The following SLC22A11 variants were observed in gnomAD, a reference collection of about 807,000 sequenced individuals.
SLC22A11 encodes the protein solute carrier family 22 member 11.
Under a neutral mutation model 49.4 loss-of-function variants are expected in SLC22A11, and 42 were observed. The ratio of observed to expected loss-of-function variants is 0.85; its 90% confidence interval spans 0.66 to 1.10. The LOEUF is 1.10. SLC22A11 is among the 50% of genes least tolerant of loss of function. The pLI is 0.00. For synonymous variants in SLC22A11, 304 were observed against 315.8 expected (o/e 0.96, Z 0.40); for missense variants, 685 against 731.6 (o/e 0.94, Z 0.74).
intron 2 of SLC22A11, among the ~76,000 whole-genome samples, chr11:64,559,643 G>A (rs190738241): frequency 1.3e-5 from 2 of 151,940 alleles, no homozygotes; most frequent in Admixed American, 6.6e-5. Flanking sequence ...GAAGCCTCAC[G>A]TGGGCCAAAC....
Position 64,571,030 on chromosome 11 carries a change from T to A in SLC22A11, c.1641T>A (p.Ser547Arg). The A allele has an allele frequency of 6.2e-7, 1 of 1,614,242 alleles. No individual in the cohort carries two copies. Among genetic ancestry groups the A allele is most frequent in the Non-Finnish European group, 8.5e-7 (1 of 1,180,036 alleles). ...GGCAAGAGGCCGTCACTGTGGAAAGTACCTCGCTCTAGAAATTGTGCCTGC... is the reference window on the plus strand; with the variant it reads ...GGCAAGAGGCCGTCACTGTGGAAAGAACCTCGCTCTAGAAATTGTGCCTGC... ...GNRQEAVTVE[S>R]TSL The change falls in exon 10 of 10, where the codon AGT becomes AGA. Residue 547 changes from serine (S) to arginine (R), a missense_variant. Coordinates refer to ENST00000301891, the MANE Select transcript of SLC22A11 (RefSeq NM_018484.4).
intron 9 of SLC22A11, 150 bp downstream of exon 9, chr11:64,570,008 GTAT>G: frequency 1.4e-6 from 1 of 695,138 alleles, no homozygotes; most frequent in East Asian, 2.7e-5. Context: ...TGCCAGAAAT[GTAT>G]TATTACTATC....
In SLC22A11 at chr11:64,569,940, A is replaced by G. The variant is rs2038682675; in HGVS notation, c.1589+82A>G. The G allele has an allele frequency of 4.3e-5, 58 of 1,334,002 alleles. 1 individual carries two copies. The East Asian group carries it at 1.3e-3, about 31-fold the overall frequency. 82.6% of individuals were successfully genotyped at this position (1,334,002 alleles called of 1,614,324 possible). ...AGACAGGCCTGGGCTGCCCAGGGCA[A>G]AGGCTCAAGAGTACCAAGGCCTGTG... On this transcript the variant is annotated intron_variant, in intron 9 of 9. Transcript: ENST00000301891.
rs765685985 is a variant in SLC22A11, at chr11:64,569,651, G to A, written c.1383-1G>A. ...ATCTGGGCCCTCCCCTTCACCCACA[G>A]GATGACAGCAGATGGCATTCTGCAT... On this transcript the variant is annotated splice_acceptor_variant, in intron 8 of 9. Transcript: ENST00000301891. LOFTEE classifies it high-confidence loss of function. 1.2e-6 allele frequency: 2 copies of A among 1,613,148 alleles called. No homozygotes were observed. The highest frequency in any genetic ancestry group is 4.5e-5 in the East Asian group (2 of 44,876).
chr11:64,568,769 C>CGCCAGT lies in SLC22A11; in HGVS notation c.1376_1381dup (p.Pro459_Val460dup). ...ATCTACAAGGCTGAACTCTTTCCAA[C>CGCCAGT]GCCAGTGCGGTAAGCTGGGCTGCAG... is the stretch of plus-strand genomic sequence containing the variant. On this transcript the variant is annotated inframe_insertion, in exon 8 of 10. Coordinates refer to ENST00000301891, the MANE Select transcript of SLC22A11 (RefSeq NM_018484.4). 2 of 1,613,688 alleles carry CGCCAGT rather than the reference C, an allele frequency of 1.2e-6. No individual in the cohort carries two copies. Among genetic ancestry groups the CGCCAGT allele is most frequent in the South Asian group, 1.1e-5 (1 of 91,072 alleles).
intron 1 of SLC22A11, among the ~76,000 whole-genome samples, chr11:64,558,223 C>T (rs898803215): frequency 6.6e-6 from 1 of 152,236 alleles, no homozygotes; most frequent in Non-Finnish European, 1.5e-5. Flanking sequence ...GCATGAGCCA[C>T]TGTGCCCGGG....
chr11:64,564,303 TA>T lies in SLC22A11; in HGVS notation c.822-4del. ...ACTCCCAGCTACACACCTGCCTCCT[TA>T]CAGGTGGCTGCCAGAATCCGCCCGG... is the stretch of plus-strand genomic sequence containing the variant. On this transcript the variant is annotated splice_polypyrimidine_tract_variant and splice_region_variant and intron_variant, in intron 4 of 9. Coordinates refer to ENST00000301891, the MANE Select transcript of SLC22A11 (RefSeq NM_018484.4). The surrounding 1 kb of genome is among the most constrained non-coding windows in gnomAD (Gnocchi z 4.2). The T allele has an allele frequency of 6.2e-7, 1 of 1,613,920 alleles. No individual in the cohort carries two copies. The highest frequency in any genetic ancestry group is 8.5e-7 in the Non-Finnish European group (1 of 1,179,954).
intron 2 of SLC22A11, among the ~76,000 whole-genome samples, chr11:64,561,510 G>A (rs1209420582): frequency 6.6e-6 from 1 of 152,172 alleles, no homozygotes; most frequent in Non-Finnish European, 1.5e-5. Context: ...GTGCAGAGGC[G>A]TGATCATACC....
In SLC22A11 at chr11:64,569,757, C is replaced by T; in HGVS notation, c.1488C>T (p.Leu496=). 1 of 1,614,204 alleles carries T rather than the reference C, an allele frequency of 6.2e-7. No individual in the cohort carries two copies. Among genetic ancestry groups the T allele is most frequent in the Non-Finnish European group, 8.5e-7 (1 of 1,180,042 alleles). Residue 496 remains leucine (L), a synonymous_variant, in exon 9 of 10, where the codon CTC becomes CTT. Coordinates refer to ENST00000301891, the MANE Select transcript of SLC22A11 (RefSeq NM_018484.4). ...RQALPLLPPL[L]YGVISIASSL... ...CCCTGCCCCTGCTGCCTCCTCTCCT[C>T]TATGGCGTTATCTCCATTGCTTCCA...
Position 64,572,207 on chromosome 11 carries a change from C to A in SLC22A11, c.*1165C>A, listed in dbSNP as rs1268820039. 1 of 152,286 alleles carries A rather than the reference C, an allele frequency of 6.6e-6. No individual in the cohort carries two copies. Among genetic ancestry groups the A allele is most frequent in the Non-Finnish European group, 1.5e-5 (1 of 68,068 alleles). 9.4% of individuals were successfully genotyped at this position (152,286 alleles called of 1,614,324 possible). A position where few individuals can be genotyped will look rare whatever the true frequency, so the allele number is the denominator to read the frequency against. On this transcript the variant is annotated 3_prime_UTR_variant, in exon 10 of 10. Coordinates refer to ENST00000301891, the MANE Select transcript of SLC22A11 (RefSeq NM_018484.4). Reference sequence around the variant, plus strand: ...TTGTTTTCTGGAGGGGACACCTTTTCTTGATTCATGCCCAGACCTCCCTTG... The same window carrying A: ...TTGTTTTCTGGAGGGGACACCTTTTATTGATTCATGCCCAGACCTCCCTTG...
intron 2 of SLC22A11, among the ~76,000 whole-genome samples, chr11:64,559,793 C>T (rs1405787498): frequency 2.0e-5 from 3 of 152,164 alleles, no homozygotes; most frequent in Non-Finnish European, 4.4e-5. Flanking sequence ...CACCTTGGAA[C>T]GTGAGGCCGG....
In SLC22A11 at chr11:64,555,947, G is replaced by C. The variant is rs1273100848; in HGVS notation, c.-53G>C. 13 of 1,525,576 alleles carry C rather than the reference G, an allele frequency of 8.5e-6. No homozygotes were observed. Among genetic ancestry groups the C allele is most frequent in the African/African-American group, 5.5e-5 (4 of 72,646 alleles). 94.5% of individuals were successfully genotyped at this position (1,525,576 alleles called of 1,614,324 possible). On this transcript the variant is annotated 5_prime_UTR_variant, in exon 1 of 10. Transcript: ENST00000301891. ...GGCCCTGGATCTTGTGGCTGCAATC[G>C]GTTCCAAACAGCAGTTAGGTCAGCA...
intron 1 of SLC22A11, among the ~76,000 whole-genome samples, chr11:64,558,513 T>C (rs1408214427): frequency 6.6e-6 from 1 of 152,292 alleles, no homozygotes; most frequent in Non-Finnish European, 1.5e-5. Flanking sequence ...CTGAAGCCAC[T>C]GTAAAAATCC....
chr11:64,569,628 C>T, intron 8 of SLC22A11, 24 bp from the exon 9 acceptor site: 1 of 1,606,048 alleles, frequency 6.2e-7, no homozygotes, highest in Non-Finnish European at 8.5e-7. Flanking sequence ...TTACAGGGAT[C>T]TGGGCCCTCC....
In SLC22A11 at chr11:64,562,113, G is replaced by A; in HGVS notation, c.607G>A (p.Ala203Thr). Reference sequence around the variant, plus strand: ...CATCTACTGCGGCCTGCGGTTCGTGGCCGCTTTTGGGATGGCCGGCATCTT... The same window carrying A: ...CATCTACTGCGGCCTGCGGTTCGTGACCGCTTTTGGGATGGCCGGCATCTT... ...FVIYCGLRFV[A>T]AFGMAGIFLS... is the part of the protein sequence containing the mutation. Residue 203 changes from alanine to threonine, a missense_variant, in exon 3 of 10, where the codon GCC (alanine) becomes ACC (threonine). Physicochemically the swap from Ala to Thr is moderately conservative, Grantham distance 58. Transcript: ENST00000301891. The surrounding 1 kb of genome is among the most constrained non-coding windows in gnomAD (Gnocchi z 4.4). 1.2e-6 allele frequency: 2 copies of A among 1,613,882 alleles called. No individual in the cohort carries two copies. Among genetic ancestry groups the A allele is most frequent in the Non-Finnish European group, 1.7e-6 (2 of 1,180,020 alleles).
intron 6 of SLC22A11, chr11:64,566,405 C>A (rs1448572889): frequency 6.6e-6 from 1 of 151,360 alleles, no homozygotes; most frequent in Admixed American, 6.6e-5. Context: ...GATCAAATGC[C>A]TTTTTTAAAA....
At position 64,565,150 on chromosome 11, in the gene SLC22A11, C is replaced by A; in HGVS notation, c.943-72C>A. 2 of 1,236,836 alleles carry A rather than the reference C, an allele frequency of 1.6e-6. No individual in the cohort carries two copies. The highest frequency in any genetic ancestry group is 2.2e-6 in the Non-Finnish European group (2 of 889,464). 76.6% of individuals were successfully genotyped at this position (1,236,836 alleles called of 1,614,324 possible). A position where few individuals can be genotyped will look rare whatever the true frequency, so the allele number is the denominator to read the frequency against. ...CCCCGTCACTCTGGCCACTTGGACA[C>A]TGTTCTCTGGCACAGGGGGTGGGGC... On this transcript the variant is annotated intron_variant, in intron 5 of 9. Transcript: ENST00000301891. This position sits in a 1 kb window ranked among gnomAD's most constrained non-coding sequence, Gnocchi z 4.1.
At chr11:64,568,601 G>A in intron 7 of SLC22A11, 69 bp from the exon 8 acceptor site, 1 of 1,332,754 alleles carries the variant, frequency 7.5e-7, no homozygotes, top group Non-Finnish European at 1.1e-6. Flanking sequence ...AGGCTGGCTG[G>A]CCGCACACTG....
chr11:64,559,076 G>T (rs560580680), intron 1 of SLC22A11, 59 bp from the exon 2 acceptor site: 1 of 1,473,136 alleles, frequency 6.8e-7, no homozygotes, highest in Non-Finnish European at 9.5e-7. Flanking sequence ...TTCCTCGGCC[G>T]TGCCCAGCCC....
Sources: gnomAD v4.1 joint callset for allele counts (sites outside exome capture counted in the v4.1 genomes callset) on GRCh38, gnomAD v4.1.1 for gene constraint, Gnocchi (gnomAD v3.1) non-coding constraint, MANE v1.5 for transcripts, NCBI Gene and HGNC (gene_info 2026-07-23, HGNC 2026-07-21) for gene names.